Variants in KLF8 observed in about 807,000 individuals in gnomAD.
KLF8 encodes Krueppel-like factor 8.
KLF8 carries 10 observed loss-of-function variants against 18.2 expected under a neutral mutation model. That is an observed-to-expected ratio of 0.55 (90% CI 0.34 to 0.93). The LOEUF (loss-of-function observed/expected upper bound fraction) is 0.93. Ranked by LOEUF, KLF8 falls within the 40% of genes least tolerant of loss-of-function variation. The pLI, the probability that KLF8 is intolerant of heterozygous loss-of-function variation, is 0.02. For missense variants in KLF8, 264 were observed against 277.9 expected (o/e 0.95, Z 0.36); for synonymous variants, 109 against 97.3 (o/e 1.12, Z -0.71).
chrX:56,265,392 C>T lies in KLF8; in HGVS notation c.294C>T (p.Leu98=). The T allele has an allele frequency of 8.3e-7, 1 of 1,211,296 alleles. No homozygotes were observed. The highest frequency in any genetic ancestry group is 1.1e-6 in the Non-Finnish European group (1 of 895,268). ...DLSFHKPKAP[L]QPASMLQAPI... is the part of the protein sequence containing the mutation. ...CCTTTCACAAGCCCAAGGCTCCTCT[C>T]CAGCCTGCTAGCATGCTACAAGCTC... Residue 98 remains leucine (L), a synonymous_variant, in exon 3 of 6, where the codon CTC becomes CTT. Transcript: ENST00000468660.
chrX:56,013,676 G>A, the KLF8 span, among the ~76,000 whole-genome samples: 1 of 110,971 alleles, frequency 9.0e-6, no homozygotes, highest in Admixed American at 9.6e-5. Flanking sequence ...CATGAGATCT[G>A]ATGGTTTTCT....
the KLF8 span, among the ~76,000 whole-genome samples, chrX:56,081,525 A>T: frequency 1.8e-5 from 2 of 112,007 alleles, no homozygotes; most frequent in African/African-American, 6.5e-5. Flanking sequence ...TTTCAATAGC[A>T]GTGGTGAAAG....
At chrX:55,967,622 G>A in the KLF8 span, among the ~76,000 whole-genome samples, 8 of 111,775 alleles carry the variant, frequency 7.2e-5, no homozygotes, top group African/African-American at 2.6e-4. Context: ...AGAGAATTCT[G>A]CTATCAGAAA....
the KLF8 span, among the ~76,000 whole-genome samples, chrX:56,032,202 T>C: frequency 9.0e-6 from 1 of 111,298 alleles, no homozygotes; most frequent in Non-Finnish European, 1.9e-5. Flanking sequence ...ATGAGGGGTC[T>C]CTTTTTCTCT....
At chrX:56,141,445 A>G in the KLF8 span, among the ~76,000 whole-genome samples, 1 of 111,506 alleles carries the variant, frequency 9.0e-6, no homozygotes, top group Non-Finnish European at 1.9e-5. Flanking sequence ...AGTGCAATCT[A>G]ATTTATTTAT....
the KLF8 span, among the ~76,000 whole-genome samples, chrX:56,047,392 A>G: frequency 3.8e-3 from 403 of 107,335 alleles, no homozygotes; most frequent in African/African-American, 0.013. Context: ...CATTAGGTAT[A>G]TCTCCTAATG....
the KLF8 span, among the ~76,000 whole-genome samples, chrX:56,052,434 C>T: frequency 8.9e-6 from 1 of 111,773 alleles, no homozygotes; most frequent in Non-Finnish European, 1.9e-5. Flanking sequence ...TGGTGATGTA[C>T]AGATGGGTTT....
the KLF8 span, among the ~76,000 whole-genome samples, chrX:56,048,942 A>T: frequency 9.0e-6 from 1 of 111,455 alleles, no homozygotes; most frequent in Non-Finnish European, 1.9e-5. Flanking sequence ...CTTTTGTTTC[A>T]TTGAACAGTG....
the KLF8 span, among the ~76,000 whole-genome samples, chrX:56,105,312 G>C: frequency 9.0e-6 from 1 of 111,091 alleles, no homozygotes; most frequent in East Asian, 2.8e-4. Flanking sequence ...TTGTCAGTGG[G>C]GTGTTAAAGT....
Position 56,233,288 on chromosome X carries a change from G to A in KLF8, c.-47G>A, listed in dbSNP as rs368054124. 1.7e-6 allele frequency: 2 copies of A among 1,203,684 alleles called. No homozygotes were observed. Among genetic ancestry groups the A allele is most frequent in the African/African-American group, 3.5e-5 (2 of 56,807 alleles). The stretch of plus-strand genomic sequence containing the variant: ...TCAGCTCAGGAGTATGAGCCTCCCG[G>A]AGGACGGCATGAGTTCTGGACACTT... On this transcript the variant is annotated 5_prime_UTR_variant, in exon 1 of 6. Transcript: ENST00000468660.
the KLF8 span, among the ~76,000 whole-genome samples, chrX:56,130,601 A>AC: frequency 4.5e-5 from 5 of 110,567 alleles, no homozygotes; most frequent in African/African-American, 1.3e-4. Flanking sequence ...GTTCTTTAAC[A>AC]CCCCCCTACT....
the KLF8 span, among the ~76,000 whole-genome samples, chrX:56,162,625 G>A: frequency 1.8e-5 from 2 of 111,826 alleles, no homozygotes; most frequent in African/African-American, 6.5e-5. Context: ...GAAAAGTGCA[G>A]TATTAGGGTG....
intron 2 of KLF8, among the ~76,000 whole-genome samples, chrX:56,253,061 A>C (rs779629795): frequency 8.9e-6 from 1 of 112,579 alleles, no homozygotes; most frequent in Admixed American, 9.4e-5. Flanking sequence ...TTGAATTATT[A>C]GACTTTTTTC....
In KLF8 at chrX:56,269,525, ATGTGTG is replaced by A. The variant is rs35519867; in HGVS notation, c.758+54_758+59del. On this transcript the variant is annotated intron_variant, in intron 4 of 5. Transcript: ENST00000468660. The stretch of plus-strand genomic sequence containing the variant: ...TTTGTCTTCAAGTCTGTCTTTGTGT[ATGTGTG>A]TGTGTGTGTGTGTGTGTACATTTGC... The A allele has an allele frequency of 8.6e-4, 879 of 1,021,139 alleles. No individual in the cohort carries two copies. The African/African-American group carries it at 0.01, about 12-fold the overall frequency. The allele number at this position is 1,021,139 out of a possible 1,213,427, so 84.2% of individuals were successfully genotyped here.
At chrX:56,004,693 C>T in the KLF8 span, among the ~76,000 whole-genome samples, 7 of 111,163 alleles carry the variant, frequency 6.3e-5, no homozygotes, top group Non-Finnish European at 1.3e-4. Context: ...TTGCCCAAAC[C>T]CCAAACAAAA....
intron 2 of KLF8, among the ~76,000 whole-genome samples, chrX:56,264,648 T>C (rs1175290429): frequency 9.0e-6 from 1 of 111,360 alleles, no homozygotes; most frequent in Non-Finnish European, 1.9e-5. Flanking sequence ...TTCTTATCTC[T>C]TATCTGCCTA....
the KLF8 span, among the ~76,000 whole-genome samples, chrX:55,977,661 A>G: frequency 3.6e-5 from 4 of 111,743 alleles, no homozygotes; most frequent in East Asian, 1.1e-3. Context: ...ATGCACTTTT[A>G]TTATGTGTAC....
the KLF8 span, among the ~76,000 whole-genome samples, chrX:55,966,866 A>G: frequency 8.9e-6 from 1 of 112,338 alleles, no homozygotes; most frequent in South Asian, 3.7e-4. Context: ...AAGGAGACTC[A>G]ATGAAATTCA....
At chrX:55,963,449 G>A in the KLF8 span, among the ~76,000 whole-genome samples, 1 of 111,231 alleles carries the variant, frequency 9.0e-6, no homozygotes, top group Admixed American at 9.6e-5. Flanking sequence ...CTGCCAGCTG[G>A]GATCAAGCTA....
Sources: gnomAD v4.1 joint callset for allele counts (sites outside exome capture counted in the v4.1 genomes callset) on GRCh38, gnomAD v4.1.1 for gene constraint, MANE v1.5 for transcripts, NCBI Gene and HGNC (gene_info 2026-07-23, HGNC 2026-07-21) for gene names.